Variants in CSMD1 observed in about 807,000 individuals in gnomAD.
CSMD1 encodes CUB and sushi domain-containing protein 1.
A neutral mutation model predicts 417.5 loss-of-function variants in CSMD1; 213 were observed. The observed-to-expected ratio is 0.51, with a 90% CI of 0.46 to 0.57. The LOEUF (loss-of-function observed/expected upper bound fraction) is 0.57, where lower values mean the gene tolerates loss of function less well. Among genes scored for constraint, CSMD1 ranks in the 20% least tolerant of loss-of-function variants. The probability of loss-of-function intolerance (pLI) is 0.00; values close to 1 mark genes in which losing one functional copy is unlikely to be tolerated. For synonymous variants in CSMD1, 2,862 were observed against 1,736.8 expected (o/e 1.65, Z -16.11); for missense variants, 6,923 against 4,529.7 (o/e 1.53, Z -15.17).
At chr8:4,133,808 A>T (rs1303676974) in intron 3 of CSMD1, among the ~76,000 whole-genome samples, 1 of 152,156 alleles carries the variant, frequency 6.6e-6, no homozygotes, top group Non-Finnish European at 1.5e-5. Context: ...TGCCACTCTG[A>T]CCATGCCTGA....
chr8:3,905,702 T>C (rs1252147292), intron 5 of CSMD1, among the ~76,000 whole-genome samples: 7 of 152,162 alleles, frequency 4.6e-5, no homozygotes, highest in Non-Finnish European at 1.0e-4. Flanking sequence ...ACTCAGTATC[T>C]CCTTATCCAC....
chr8:4,446,757 G>GTGTGTGTGTGTGTGTGTGTC (rs1563183305), intron 2 of CSMD1, among the ~76,000 whole-genome samples: 852 of 26,082 alleles, frequency 0.033, 3 homozygotes, highest in African/African-American at 0.11. Flanking sequence ...GTGTGTGTCT[G>GTGTGTGTGTGTGTGTGTGTC]TGTGTGTGTG....
chr8:4,418,609 A>G (rs543265588), intron 3 of CSMD1, among the ~76,000 whole-genome samples: 194 of 152,298 alleles, frequency 1.3e-3, no homozygotes, highest in Middle Eastern at 0.01. Context: ...TATGCCTGGC[A>G]TATAGCTGGT....
intron 10 of CSMD1, among the ~76,000 whole-genome samples, chr8:3,555,072 G>C (rs1799085906): frequency 6.6e-6 from 1 of 152,080 alleles, no homozygotes; most frequent in Non-Finnish European, 1.5e-5. Flanking sequence ...AGCCAGGAGA[G>C]CCCTCGGCAA....
intron 46 of CSMD1, among the ~76,000 whole-genome samples, chr8:3,097,430 T>G (rs7826267): frequency 0.88 from 133,861 of 152,126 alleles, 59,151 homozygotes; most frequent in Non-Finnish European, 0.92. Flanking sequence ...AGAAAACTCA[T>G]ATTTATTTTG....
Position 3,189,941 on chromosome 8 carries a change from T to C in CSMD1, c.5369A>G (p.Gln1790Arg), listed in dbSNP as rs1421359966. 3.1e-6 allele frequency: 5 copies of C among 1,591,894 alleles called. 1 individual carries two copies. The South Asian group carries it at 3.4e-5, about 11-fold the overall frequency. The change falls in exon 34 of 70, where the codon CAG (glutamine) becomes CGG (arginine). Residue 1790 changes from glutamine (Q) to arginine (R), a missense_variant. Physicochemically the swap from Gln to Arg is conservative, Grantham distance 43 (BLOSUM62 1). Transcript: ENST00000635120. The stretch of plus-strand genomic sequence containing the variant: ...ACAGCTGGGGATCGTGTCGTTCCAC[T>C]GTGCCAAGGCGTTGGGCACGGACTG... ...HCQSVPNALA[Q>R]WNDTIPSCVV...
At chr8:3,942,493 T>C (rs1351804035) in intron 5 of CSMD1, among the ~76,000 whole-genome samples, 1 of 152,068 alleles carries the variant, frequency 6.6e-6, no homozygotes, top group Non-Finnish European at 1.5e-5. Flanking sequence ...GGATGAGCAA[T>C]TTACCTTCAG....
intron 1 of CSMD1, among the ~76,000 whole-genome samples, chr8:4,723,872 A>C (rs1361622993): frequency 6.6e-6 from 1 of 151,944 alleles, no homozygotes; most frequent in Admixed American, 6.6e-5. Flanking sequence ...TGCCTTCCCA[A>C]AACTAACTGT....
chr8:4,860,191 C>T (rs1241724615), intron 1 of CSMD1, among the ~76,000 whole-genome samples: 1 of 138,586 alleles, frequency 7.2e-6, no homozygotes, highest in Non-Finnish European at 1.5e-5. Context: ...TATTCTCACT[C>T]ATAGGTGGGA....
chr8:3,173,101 A>G (rs1049975429), intron 37 of CSMD1, among the ~76,000 whole-genome samples: 2 of 152,208 alleles, frequency 1.3e-5, no homozygotes, highest in Non-Finnish European at 2.9e-5. Flanking sequence ...CACTTTATTT[A>G]GGAAGGAAGT....
At chr8:3,162,423 A>C in intron 37 of CSMD1, 146 bp from the exon 38 acceptor site, 3 of 616,754 alleles carry the variant, frequency 4.9e-6, no homozygotes, top group Admixed American at 5.4e-5. Context: ...TACCAAGAAG[A>C]CTTTGAGTAC....
chr8:4,073,862 C>G (rs982012378), intron 3 of CSMD1, among the ~76,000 whole-genome samples: 20 of 152,054 alleles, frequency 1.3e-4, no homozygotes, highest in Admixed American at 3.9e-4. Context: ...AGTTTAAATT[C>G]AGTAATATAG....
chr8:4,191,047 C>G (rs572099182), intron 3 of CSMD1, among the ~76,000 whole-genome samples: 77 of 152,074 alleles, frequency 5.1e-4, no homozygotes, highest in African/African-American at 1.9e-3. Context: ...CCCCATGACA[C>G]CAGTTTACCT....
intron 50 of CSMD1, among the ~76,000 whole-genome samples, chr8:3,031,433 G>T (rs1810333472): frequency 2.0e-5 from 3 of 151,954 alleles, no homozygotes. Flanking sequence ...CCTGCACGTT[G>T]TGCACATGTA....
chr8:4,934,814 A>G (rs969936014), intron 1 of CSMD1, among the ~76,000 whole-genome samples: 1 of 152,118 alleles, frequency 6.6e-6, no homozygotes, highest in African/African-American at 2.4e-5. Flanking sequence ...CCTACCTATC[A>G]TGTATCAATC....
intron 3 of CSMD1, among the ~76,000 whole-genome samples, chr8:4,228,124 G>A (rs1477524760): frequency 6.6e-6 from 1 of 152,078 alleles, no homozygotes; most frequent in South Asian, 2.1e-4. Flanking sequence ...CGTAACAGGA[G>A]ACATACCCTC....
chr8:4,467,929 C>G (rs1800281977), intron 2 of CSMD1, among the ~76,000 whole-genome samples: 1 of 152,118 alleles, frequency 6.6e-6, no homozygotes, highest in Non-Finnish European at 1.5e-5. Flanking sequence ...AGTTGGAATT[C>G]CATTCCTGAA....
chr8:3,485,538 C>CACACAGAG (rs376214281), intron 11 of CSMD1, among the ~76,000 whole-genome samples: 2 of 134,920 alleles, frequency 1.5e-5, no homozygotes, highest in African/African-American at 5.9e-5. Context: ...CACACACACA[C>CACACAGAG]AGAGAGAGAG....
intron 1 of CSMD1, among the ~76,000 whole-genome samples, chr8:4,942,297 T>C (rs911707616): frequency 6.6e-6 from 1 of 152,068 alleles, no homozygotes; most frequent in Admixed American, 6.5e-5. Flanking sequence ...TTCAAAAGAA[T>C]TCCTCTGTGA....
Sources: gnomAD v4.1 joint callset for allele counts (sites outside exome capture counted in the v4.1 genomes callset) on GRCh38, gnomAD v4.1.1 for gene constraint, MANE v1.5 for transcripts, NCBI Gene and HGNC (gene_info 2026-07-23, HGNC 2026-07-21) for gene names.